TEX26: variants seen among roughly 807,000 people sequenced by gnomAD.
TEX26 encodes the protein testis expressed 26.
Under a neutral mutation model 35.3 loss-of-function variants are expected in TEX26, and 34 were observed. That is an observed-to-expected ratio of 0.96 (90% CI 0.73 to 1.28). The LOEUF (loss-of-function observed/expected upper bound fraction) is 1.28, where lower values mean the gene tolerates loss of function less well. Ranked by LOEUF, TEX26 falls within the 50% of genes most tolerant of loss-of-function variation. The pLI is 0.00. For synonymous variants in TEX26, 136 were observed against 111.8 expected, an observed-to-expected ratio of 1.22 and a Z score of -1.36; for missense variants, 371 against 330.1, an observed-to-expected ratio of 1.12 and a Z score of -0.96.
At chr13:30,969,929 C>T (rs966209728) in intron 6 of TEX26, among the ~76,000 whole-genome samples, 1 of 152,030 alleles carries the variant, frequency 6.6e-6, no homozygotes, top group South Asian at 2.1e-4. Context: ...TATCTGGGGG[C>T]TACTAACTTA....
Position 30,974,972 on chromosome 13 carries a change from C to A in TEX26, c.*65C>A. ...ATGGAAGCACGAGGACATTCCTAGTCATTTTCTCAATTATCAAGGAAAAAT... is the reference window on the plus strand; with the variant it reads ...ATGGAAGCACGAGGACATTCCTAGTAATTTTCTCAATTATCAAGGAAAAAT... On this transcript the variant is annotated 3_prime_UTR_variant, in exon 7 of 7. Transcript: ENST00000380473. The A allele has an allele frequency of 4.4e-6, 5 of 1,126,180 alleles. No homozygotes were observed. Among genetic ancestry groups the A allele is most frequent in the South Asian group, 3.2e-5 (2 of 63,038 alleles). 69.8% of individuals were successfully genotyped at this position (1,126,180 alleles called of 1,614,324 possible).
chr13:30,941,918 GC>G (rs771870755), intron 2 of TEX26, among the ~76,000 whole-genome samples: 3 of 151,980 alleles, frequency 2.0e-5, no homozygotes, highest in Non-Finnish European at 4.4e-5. Flanking sequence ...TAATCAATGG[GC>G]CCTTAGGTTG....
At chr13:30,973,624 G>C (rs1320298623) in intron 6 of TEX26, 1 of 152,082 alleles carries the variant, frequency 6.6e-6, no homozygotes, top group African/African-American at 2.4e-5. Flanking sequence ...GACATAATTG[G>C]AGAGAAAACA....
At chr13:30,939,347 C>T (rs1953390949) in intron 1 of TEX26, among the ~76,000 whole-genome samples, 2 of 152,146 alleles carry the variant, frequency 1.3e-5, no homozygotes, top group Admixed American at 1.3e-4. Flanking sequence ...TAATATGATG[C>T]ATGTAAAGTT....
intron 5 of TEX26, 127 bp from the exon 6 acceptor site, chr13:30,968,758 A>G: frequency 1.2e-6 from 1 of 821,334 alleles, no homozygotes; most frequent in Non-Finnish European, 2.0e-6. Flanking sequence ...GTCCAGCATC[A>G]TGAAGGATGC....
chr13:30,932,933 C>T, intron 1 of TEX26, 157 bp downstream of exon 1: 1 of 742,294 alleles, frequency 1.3e-6, no homozygotes, highest in Non-Finnish European at 2.1e-6. Context: ...GGGAGAATGA[C>T]AGGGCCTTCA....
chr13:30,937,795 C>T (rs1248672223), intron 1 of TEX26, among the ~76,000 whole-genome samples: 1 of 152,122 alleles, frequency 6.6e-6, no homozygotes, highest in Admixed American at 6.5e-5. Context: ...GGTAGAACTT[C>T]AGCCAGGGTT....
At chr13:30,957,163 T>A in intron 4 of TEX26, 134 bp downstream of exon 4, 1 of 858,940 alleles carries the variant, frequency 1.2e-6, no homozygotes, top group Non-Finnish European at 1.8e-6. Context: ...ACTTTGCAAA[T>A]AAAAACCATC....
chr13:30,940,924 C>T (rs1045066528), intron 2 of TEX26, among the ~76,000 whole-genome samples: 1 of 151,978 alleles, frequency 6.6e-6, no homozygotes, highest in Non-Finnish European at 1.5e-5. Context: ...TGTGACACAG[C>T]GAGGCTCTGT....
chr13:30,967,684 G>T (rs890935467), intron 5 of TEX26, among the ~76,000 whole-genome samples: 3 of 152,192 alleles, frequency 2.0e-5, no homozygotes, highest in Non-Finnish European at 2.9e-5. Flanking sequence ...GAGCTGGAAG[G>T]TGTTCTTAAG....
intron 2 of TEX26, among the ~76,000 whole-genome samples, chr13:30,943,567 T>G (rs537912690): frequency 1.3e-5 from 2 of 152,220 alleles, no homozygotes; most frequent in Admixed American, 6.5e-5. Flanking sequence ...TGCTTTCAAC[T>G]TTTCCCCATT....
At chr13:30,967,204 G>C (rs191684834) in intron 5 of TEX26, among the ~76,000 whole-genome samples, 1 of 152,260 alleles carries the variant, frequency 6.6e-6, no homozygotes, top group Non-Finnish European at 1.5e-5. Flanking sequence ...TCTGAGACAT[G>C]GTTCATTCCT....
intron 4 of TEX26, among the ~76,000 whole-genome samples, chr13:30,958,839 C>T (rs1464130476): frequency 1.3e-5 from 2 of 152,182 alleles, no homozygotes; most frequent in African/African-American, 4.8e-5. Flanking sequence ...TTCCCTCAAC[C>T]CCATCTCTTC....
At chr13:30,968,756 T>C in intron 5 of TEX26, 129 bp from the exon 6 acceptor site, 1 of 803,018 alleles carries the variant, frequency 1.2e-6, no homozygotes, top group South Asian at 1.9e-5. Flanking sequence ...ATGTCCAGCA[T>C]CATGAAGGAT....
chr13:30,958,578 C>T (rs1954222382), intron 4 of TEX26, among the ~76,000 whole-genome samples: 2 of 152,180 alleles, frequency 1.3e-5, no homozygotes, highest in South Asian at 2.1e-4. Flanking sequence ...GAGAATGACA[C>T]ATCTCTCAAG....
chr13:30,962,771 A>T (rs867518705), intron 4 of TEX26, among the ~76,000 whole-genome samples: 3 of 152,110 alleles, frequency 2.0e-5, no homozygotes, highest in Non-Finnish European at 4.4e-5. Flanking sequence ...GCTAGTTCCC[A>T]CTTGACTATA....
At chr13:30,962,053 G>C (rs527493025) in intron 4 of TEX26, among the ~76,000 whole-genome samples, 1 of 152,002 alleles carries the variant, frequency 6.6e-6, no homozygotes, top group Non-Finnish European at 1.5e-5. Context: ...TCCTTCCCCC[G>C]GCAGCCGATC....
chr13:30,953,558 G>A (rs897442479), intron 3 of TEX26, among the ~76,000 whole-genome samples: 6 of 152,212 alleles, frequency 3.9e-5, no homozygotes, highest in African/African-American at 1.4e-4. Flanking sequence ...GCTATGAACA[G>A]CCATGTACAA....
chr13:30,939,859 A>G, intron 2 of TEX26, 81 bp downstream of exon 2: 2 of 1,267,784 alleles, frequency 1.6e-6, no homozygotes, highest in Non-Finnish European at 1.1e-6. Flanking sequence ...CCAAACACAT[A>G]GACAGTAATT....
Sources: allele counts gnomAD v4.1 joint callset (sites outside exome capture counted in the v4.1 genomes callset), GRCh38; gene constraint gnomAD v4.1.1; transcripts MANE v1.5; gene names NCBI Gene and HGNC (gene_info 2026-07-23, HGNC 2026-07-21).